The following ZBTB41 variants were observed in gnomAD, a reference collection of about 807,000 sequenced individuals.
The protein encoded by ZBTB41 is zinc finger and BTB domain containing 41, also known as zinc finger and BTB domain-containing protein 41.
Under a neutral mutation model 87.6 loss-of-function variants are expected in ZBTB41, and 42 were observed. That is an observed-to-expected ratio of 0.48 (90% CI 0.37 to 0.62). The LOEUF (loss-of-function observed/expected upper bound fraction) is 0.62. Among genes scored for constraint, ZBTB41 ranks in the 20% least tolerant of loss-of-function variants. The pLI, the probability that ZBTB41 is intolerant of heterozygous loss-of-function variation, is 0.00. For synonymous variants in ZBTB41, 364 were observed against 364.0 expected (o/e 1.00, Z 0.00); for missense variants, 799 against 1,078.9 (o/e 0.74, Z 3.63).
chr1:197,187,156 C>A (rs1392997522), intron 5 of ZBTB41, among the ~76,000 whole-genome samples: 1 of 152,186 alleles, frequency 6.6e-6, no homozygotes, highest in African/African-American at 2.4e-5. Flanking sequence ...TTCTTACAAA[C>A]TAATTATACT....
At chr1:197,166,944 G>C (rs1659359886) in intron 10 of ZBTB41, among the ~76,000 whole-genome samples, 1 of 152,040 alleles carries the variant, frequency 6.6e-6, no homozygotes, top group Admixed American at 6.6e-5. Flanking sequence ...ACACTAATGA[G>C]GAAATGATGC....
At chr1:197,191,456 C>CAAAAAAAA (rs537220441) in intron 3 of ZBTB41, among the ~76,000 whole-genome samples, 2 of 85,330 alleles carry the variant, frequency 2.3e-5, no homozygotes, top group Admixed American at 1.3e-4. Context: ...AGCCCTACTT[C>CAAAAAAAA]AAAAAAAAAA....
At chr1:197,182,588 T>C (rs1451380268) in intron 5 of ZBTB41, among the ~76,000 whole-genome samples, 1 of 152,166 alleles carries the variant, frequency 6.6e-6, no homozygotes, top group Non-Finnish European at 1.5e-5. Context: ...TTCTGACTTT[T>C]AAAAGCCAAA....
Position 197,199,914 on chromosome 1 carries a change from G to A in ZBTB41, c.560C>T (p.Thr187Ile), listed in dbSNP as rs965039907. 1.9e-6 allele frequency: 3 copies of A among 1,612,270 alleles called. No individual in the cohort carries two copies. Among genetic ancestry groups the A allele is most frequent in the Admixed American group, 3.3e-5 (2 of 59,826 alleles). Residue 187 changes from threonine (T) to isoleucine (I), a missense_variant, in exon 2 of 11, where the codon ACT (threonine) becomes ATT (isoleucine). Physicochemically the swap from Thr to Ile is moderately conservative, Grantham distance 89. Coordinates refer to ENST00000367405, the MANE Select transcript of ZBTB41 (RefSeq NM_194314.3). ...TGTTTCTTCTGGTGATGACTTTTCA[G>A]TTAGCTCTGAATGAAAAGGGGCAAC... The part of the protein sequence containing the change: ...ENVAPFHSEL[T>I]EKSSPEETLN...
chr1:197,196,205 C>T (rs746880786), intron 2 of ZBTB41, among the ~76,000 whole-genome samples: 4 of 152,174 alleles, frequency 2.6e-5, no homozygotes, highest in South Asian at 2.1e-4. Flanking sequence ...TAAAATTCTA[C>T]GAAAGGAATG....
chr1:197,187,818 A>G (rs903913783), intron 5 of ZBTB41, among the ~76,000 whole-genome samples: 2 of 152,208 alleles, frequency 1.3e-5, no homozygotes, highest in African/African-American at 4.8e-5. Flanking sequence ...AGGTATCTAA[A>G]AAAAATGAAC....
rs756337390 is a variant in ZBTB41 at position 197,191,903 on chromosome 1, TA to T, written c.1121-5del. 10 of 1,565,936 alleles carry T rather than the reference TA, an allele frequency of 6.4e-6. No homozygotes were observed. The highest frequency in any genetic ancestry group is 2.3e-5 in the East Asian group (1 of 43,154). Reference sequence around the variant, plus strand: ...CGGGTGTGGCTCTCATATTTTCCTATAAAAAAAGAAAAATTAAAATTAAATT... The same window carrying T: ...CGGGTGTGGCTCTCATATTTTCCTATAAAAAAGAAAAATTAAAATTAAATT... On this transcript the variant is annotated splice_region_variant and splice_polypyrimidine_tract_variant and intron_variant, in intron 2 of 10. Coordinates refer to ENST00000367405, the MANE Select transcript of ZBTB41 (RefSeq NM_194314.3).
chr1:197,200,923 T>C (rs917201545), intron 1 of ZBTB41, among the ~76,000 whole-genome samples: 2 of 152,116 alleles, frequency 1.3e-5, no homozygotes, highest in African/African-American at 4.8e-5. Flanking sequence ...TTAGGGGTGC[T>C]GGGATGGTGA....
At chr1:197,179,772 A>T (rs1263049503) in intron 6 of ZBTB41, among the ~76,000 whole-genome samples, 1 of 152,122 alleles carries the variant, frequency 6.6e-6, no homozygotes, top group East Asian at 1.9e-4. Flanking sequence ...AGTAAAACAT[A>T]AAAAATTTAA....
intron 6 of ZBTB41, among the ~76,000 whole-genome samples, chr1:197,180,118 T>G (rs930882172): frequency 1.3e-5 from 2 of 152,140 alleles, no homozygotes; most frequent in African/African-American, 4.8e-5. Flanking sequence ...ATATATTCTT[T>G]TTTATATTTT....
At chr1:197,189,986 T>C (rs1039014321) in intron 4 of ZBTB41, among the ~76,000 whole-genome samples, 1 of 152,186 alleles carries the variant, frequency 6.6e-6, no homozygotes, top group African/African-American at 2.4e-5. Context: ...TGGTGTCATC[T>C]TGGCTCACTG....
chr1:197,164,986 A>ACATATCTAATATATTAT (rs1571646889), intron 10 of ZBTB41, among the ~76,000 whole-genome samples: 6 of 133,628 alleles, frequency 4.5e-5, no homozygotes, highest in South Asian at 2.3e-4. Context: ...TATATATAAT[A>ACATATCTAATATATTAT]ATATAACCTC....
intron 2 of ZBTB41, among the ~76,000 whole-genome samples, chr1:197,197,563 A>AGGAG (rs1306246138): frequency 1.8e-4 from 17 of 93,576 alleles, no homozygotes; most frequent in African/African-American, 2.6e-4. Context: ...GAGGGAGGGA[A>AGGAG]GGAGGGAGGG....
intron 2 of ZBTB41, among the ~76,000 whole-genome samples, chr1:197,195,143 T>C (rs1464785451): frequency 2.6e-5 from 4 of 152,216 alleles, no homozygotes; most frequent in African/African-American, 4.8e-5. Context: ...AAAGTTTCAA[T>C]TTCAAAAACA....
At chr1:197,167,460 G>A (rs982290968) in intron 10 of ZBTB41, among the ~76,000 whole-genome samples, 1 of 152,084 alleles carries the variant, frequency 6.6e-6, no homozygotes, top group Non-Finnish European at 1.5e-5. Flanking sequence ...TTCCCAAAGC[G>A]CTGGGATTAC....
Position 197,199,447 on chromosome 1 carries a change from T to G in ZBTB41, c.1027A>C (p.Asn343His), listed in dbSNP as rs761613772. The change falls in exon 2 of 11, where the codon AAT becomes CAT. Residue 343 changes from asparagine to histidine, a missense_variant. By Grantham distance (68) the Asn-to-His change is moderately conservative. Coordinates refer to ENST00000367405, the MANE Select transcript of ZBTB41 (RefSeq NM_194314.3). ...ACTGGAGTTAACCCCTCATGAACAT[T>G]TCCTACAGAATCACCAGCCTCAGGT... ...EEPEAGDSVG[N>H]VHEGLTPVVI... The G allele has an allele frequency of 4.3e-5, 70 of 1,612,530 alleles. 1 individual carries two copies. The Admixed American group carries it at 7.2e-4, about 17-fold the overall frequency.
chr1:197,192,875 C>A (rs1660069570), intron 2 of ZBTB41, among the ~76,000 whole-genome samples: 1 of 151,534 alleles, frequency 6.6e-6, no homozygotes, highest in Admixed American at 6.6e-5. Context: ...AAAATAAATT[C>A]AATAATTTAG....
In ZBTB41 at chr1:197,154,134, A is replaced by C. The variant is rs1173016908; in HGVS notation, c.*5225T>G. On this transcript the variant is annotated 3_prime_UTR_variant, in exon 11 of 11. Transcript: ENST00000367405. ...AAGAGTTCAATCGTTAGAAGGAATA[A>C]AAATTTTGTAATTACATCACAGTAC... 6.7e-6 allele frequency: 1 copy of C among 148,482 alleles called. No homozygotes were observed. Among genetic ancestry groups the C allele is most frequent in the East Asian group, 1.9e-4 (1 of 5,198 alleles). 9.2% of individuals were successfully genotyped at this position (148,482 alleles called of 1,614,324 possible). A position where few individuals can be genotyped will look rare whatever the true frequency, so the allele number is the denominator to read the frequency against.
rs1659940440 is a variant in ZBTB41, at chr1:197,188,561, AC to A, written c.1399-123del. 4.1e-6 allele frequency: 4 copies of A among 981,738 alleles called. No individual in the cohort carries two copies. In the African/African-American group the frequency reaches 6.6e-5, roughly 16 times the overall value. The allele number at this position is 981,738 out of a possible 1,614,324, so 60.8% of individuals were successfully genotyped here. A position where few individuals can be genotyped will look rare whatever the true frequency, so the allele number is the denominator to read the frequency against. ...AGACTTTTCTCCCAACAGAAAACTT[AC>A]AAAAAGTAAAATTCAATTCTAATTG... On this transcript the variant is annotated intron_variant, in intron 4 of 10. Transcript: ENST00000367405.
Sources: gnomAD v4.1 joint callset for allele counts (sites outside exome capture counted in the v4.1 genomes callset) on GRCh38, gnomAD v4.1.1 for gene constraint, MANE v1.5 for transcripts, NCBI Gene and HGNC (gene_info 2026-07-23, HGNC 2026-07-21) for gene names.